Variants in LDLRAD3 observed in about 807,000 individuals in gnomAD.
LDLRAD3 encodes the protein low-density lipoprotein receptor class A domain-containing protein 3.
A neutral mutation model predicts 29.4 loss-of-function variants in LDLRAD3; 20 were observed. That is an observed-to-expected ratio of 0.68 (90% CI 0.48 to 0.99). The LOEUF (loss-of-function observed/expected upper bound fraction) is 0.99. Ranked by LOEUF, LDLRAD3 falls within the 50% of genes least tolerant of loss-of-function variation. LDLRAD3 has a pLI of 0.00. For missense variants in LDLRAD3, 420 were observed against 454.3 expected, an observed-to-expected ratio of 0.92 and a Z score of 0.69; for synonymous variants, 157 against 192.7, an observed-to-expected ratio of 0.81 and a Z score of 1.53.
At chr11:36,093,430 T>C (rs1458794956) in intron 3 of LDLRAD3, among the ~76,000 whole-genome samples, 2 of 152,176 alleles carry the variant, frequency 1.3e-5, no homozygotes, top group African/African-American at 4.8e-5. Context: ...CATTAAGGTT[T>C]TTTTTTTCTT....
intron 2 of LDLRAD3, among the ~76,000 whole-genome samples, chr11:36,079,392 T>G (rs1853073925): frequency 6.6e-6 from 1 of 152,166 alleles, no homozygotes; most frequent in Admixed American, 6.5e-5. Context: ...AGGATGAGGA[T>G]GATGATAAAT....
intron 1 of LDLRAD3, among the ~76,000 whole-genome samples, chr11:35,973,052 CAAA>C (rs775477148): frequency 0.015 from 709 of 48,858 alleles, 7 homozygotes; most frequent in African/African-American, 0.037. Context: ...GACTCCATCT[CAAA>C]AAAAAAAAAA....
At chr11:36,150,543 A>G (rs562180230) in intron 4 of LDLRAD3, among the ~76,000 whole-genome samples, 173 of 151,440 alleles carry the variant, frequency 1.1e-3, no homozygotes, top group South Asian at 3.8e-3. Context: ...AAAAAAATAA[A>G]AAAGGCAAGA....
Position 36,231,114 on chromosome 11 carries a change from T to C in LDLRAD3, c.*1717T>C, listed in dbSNP as rs1855569929. 1 of 152,628 alleles carries C rather than the reference T, an allele frequency of 6.6e-6. No homozygotes were observed. Among genetic ancestry groups the C allele is most frequent in the Non-Finnish European group, 1.5e-5 (1 of 68,056 alleles). The allele number at this position is 152,628 out of a possible 1,614,324, so 9.5% of individuals were successfully genotyped here. On this transcript the variant is annotated 3_prime_UTR_variant, in exon 6 of 6. Transcript: ENST00000315571. Reference sequence around the variant, plus strand: ...CGGGCAGCTGTCACCCATTCAGAACTTCTTTCCGCAGCTGAAGAAATGTTC... The same window carrying C: ...CGGGCAGCTGTCACCCATTCAGAACCTCTTTCCGCAGCTGAAGAAATGTTC...
intron 4 of LDLRAD3, among the ~76,000 whole-genome samples, chr11:36,117,155 G>C (rs1373347464): frequency 6.6e-6 from 1 of 152,106 alleles, no homozygotes; most frequent in Non-Finnish European, 1.5e-5. Flanking sequence ...ACCGCACCTG[G>C]CCTGCCTAAG....
chr11:35,968,386 A>G, intron 1 of LDLRAD3: 1 of 361,654 alleles, frequency 2.8e-6, no homozygotes, highest in Non-Finnish European at 5.5e-6. Context: ...AGGGGCTGGC[A>G]CCATGTGGCT....
intron 1 of LDLRAD3, among the ~76,000 whole-genome samples, chr11:36,012,355 T>C (rs1851966476): frequency 6.6e-6 from 1 of 152,146 alleles, no homozygotes. Flanking sequence ...AGATAGAAAA[T>C]TTTTTCTCAC....
At chr11:36,021,371 G>T (rs1852092875) in intron 1 of LDLRAD3, among the ~76,000 whole-genome samples, 1 of 152,206 alleles carries the variant, frequency 6.6e-6, no homozygotes, top group Admixed American at 6.5e-5. Context: ...GAGAAGGAAT[G>T]ATCAGAGAGC....
At chr11:36,029,644 G>A (rs990753027) in intron 1 of LDLRAD3, among the ~76,000 whole-genome samples, 10 of 152,156 alleles carry the variant, frequency 6.6e-5, no homozygotes, top group East Asian at 5.8e-4. Context: ...AATACAGCAC[G>A]AAAATAATTC....
intron 1 of LDLRAD3, chr11:35,967,972 T>C: frequency 2.4e-6 from 1 of 408,958 alleles, no homozygotes; most frequent in Non-Finnish European, 4.8e-6. Flanking sequence ...AAAGTTTTCA[T>C]ATAGTGCTTT....
intron 4 of LDLRAD3, among the ~76,000 whole-genome samples, chr11:36,113,105 C>T (rs1853627775): frequency 6.6e-6 from 1 of 152,100 alleles, no homozygotes; most frequent in Non-Finnish European, 1.5e-5. Flanking sequence ...CTTTTGGGAT[C>T]TAGTTTCTAG....
At chr11:36,034,325 T>C (rs1852277007) in intron 1 of LDLRAD3, among the ~76,000 whole-genome samples, 1 of 152,140 alleles carries the variant, frequency 6.6e-6, no homozygotes, top group Admixed American at 6.5e-5. Context: ...AGTTGTGCTG[T>C]GCAGCAATCC....
chr11:35,954,714 C>T (rs906366453), intron 1 of LDLRAD3, among the ~76,000 whole-genome samples: 4 of 152,138 alleles, frequency 2.6e-5, no homozygotes, highest in African/African-American at 7.2e-5. Context: ...AAGATCTTTA[C>T]AGGATATCCC....
At chr11:36,072,432 C>T (rs1223547784) in intron 2 of LDLRAD3, among the ~76,000 whole-genome samples, 1 of 152,304 alleles carries the variant, frequency 6.6e-6, no homozygotes, top group East Asian at 1.9e-4. Flanking sequence ...CAGCCCTGAG[C>T]CCTTCCCAGA....
intron 1 of LDLRAD3, among the ~76,000 whole-genome samples, chr11:35,997,053 A>G (rs544839113): frequency 1.3e-5 from 2 of 152,344 alleles, no homozygotes; most frequent in South Asian, 4.1e-4. Context: ...ATGGCTGAAA[A>G]TAAAGTAATA....
intron 4 of LDLRAD3, among the ~76,000 whole-genome samples, chr11:36,168,703 G>C (rs1854553098): frequency 6.6e-6 from 1 of 152,066 alleles, no homozygotes; most frequent in African/African-American, 2.4e-5. Flanking sequence ...TAGAGCCGAA[G>C]TCTGAAACCA....
At chr11:36,145,252 T>TGG (rs1299397387) in intron 4 of LDLRAD3, among the ~76,000 whole-genome samples, 1 of 32,250 alleles carries the variant, frequency 3.1e-5, no homozygotes, top group Non-Finnish European at 6.0e-5. Flanking sequence ...GGGAGGGAAG[T>TGG]GGGGGGGGGT....
intron 4 of LDLRAD3, among the ~76,000 whole-genome samples, chr11:36,108,029 G>A (rs1853553444): frequency 6.6e-6 from 1 of 152,084 alleles, no homozygotes; most frequent in Admixed American, 6.6e-5. Flanking sequence ...ATGCATTCCA[G>A]GCCAGGCACG....
intron 3 of LDLRAD3, among the ~76,000 whole-genome samples, chr11:36,091,776 G>A (rs527570373): frequency 5.9e-5 from 9 of 152,312 alleles, no homozygotes; most frequent in East Asian, 5.8e-4. Flanking sequence ...TTTGGAGCAC[G>A]TTAAATATGG....
Sources: allele counts gnomAD v4.1 joint callset (sites outside exome capture counted in the v4.1 genomes callset), GRCh38; gene constraint gnomAD v4.1.1; transcripts MANE v1.5; gene names NCBI Gene and HGNC (gene_info 2026-07-23, HGNC 2026-07-21).